RGS7: variants seen among roughly 807,000 people sequenced by gnomAD.
RGS7 encodes the protein regulator of G-protein signaling 7.
Under a neutral mutation model 81.1 loss-of-function variants are expected in RGS7, and 27 were observed. The ratio of observed to expected loss-of-function variants is 0.33; its 90% CI spans 0.25 to 0.46. The LOEUF (loss-of-function observed/expected upper bound fraction) is 0.46, where lower values mean the gene tolerates loss of function less well. RGS7 is among the 20% of genes least tolerant of loss of function. RGS7 has a pLI of 1.00. For synonymous variants in RGS7, 208 were observed against 207.7 expected, an observed-to-expected ratio of 1.00 and a Z score of -0.01; for missense variants, 396 against 607.4, an observed-to-expected ratio of 0.65 and a Z score of 3.66.
At chr1:240,780,218 G>A (rs560573442) in intron 18 of RGS7, among the ~76,000 whole-genome samples, 8 of 151,880 alleles carry the variant, frequency 5.3e-5, no homozygotes, top group African/African-American at 1.7e-4. Flanking sequence ...AGGCCGAGGC[G>A]GGTGGATCAC....
chr1:241,175,922 G>A (rs2071106343), intron 2 of RGS7, among the ~76,000 whole-genome samples: 1 of 152,142 alleles, frequency 6.6e-6, no homozygotes, highest in South Asian at 2.1e-4. Context: ...AACATTTAAA[G>A]AGCAGTGATT....
intron 4 of RGS7, among the ~76,000 whole-genome samples, chr1:240,970,007 T>C (rs868369795): frequency 3.3e-5 from 5 of 152,260 alleles, no homozygotes; most frequent in African/African-American, 9.6e-5. Context: ...CAGAATAATA[T>C]ATATCAAGTT....
intron 3 of RGS7, among the ~76,000 whole-genome samples, chr1:241,038,743 C>T (rs2148758115): frequency 6.6e-6 from 1 of 152,266 alleles, no homozygotes; most frequent in East Asian, 1.9e-4. Context: ...GTGATCCTAG[C>T]ACTTTGGGAA....
At chr1:241,096,949 C>T (rs1378050522) in intron 3 of RGS7, among the ~76,000 whole-genome samples, 1 of 152,102 alleles carries the variant, frequency 6.6e-6, no homozygotes, top group Non-Finnish European at 1.5e-5. Context: ...GATAAGTTCA[C>T]CCCTTTCATT....
intron 2 of RGS7, among the ~76,000 whole-genome samples, chr1:241,105,097 A>G (rs2065017771): frequency 1.3e-5 from 2 of 151,960 alleles, no homozygotes; most frequent in Admixed American, 1.3e-4. Context: ...AGGTTAAAAC[A>G]CTCTTATCCC....
chr1:240,811,629 T>C (rs985693062), intron 14 of RGS7, among the ~76,000 whole-genome samples: 2 of 152,264 alleles, frequency 1.3e-5, no homozygotes, highest in Non-Finnish European at 2.9e-5. Context: ...CCAAACATTG[T>C]TCTCTGTACT....
At chr1:240,932,569 T>G (rs1467441733) in intron 5 of RGS7, among the ~76,000 whole-genome samples, 1 of 144,578 alleles carries the variant, frequency 6.9e-6, no homozygotes, top group Non-Finnish European at 1.5e-5. Flanking sequence ...AGTGCAGTGG[T>G]GCGGTCTCAG....
chr1:240,990,289 T>TA (rs536743110), intron 3 of RGS7, among the ~76,000 whole-genome samples: 44 of 151,154 alleles, frequency 2.9e-4, no homozygotes, highest in African/African-American at 5.3e-4. Flanking sequence ...TGTTTCATCA[T>TA]AAAAAAAAAT....
At chr1:240,940,499 C>T (rs904205588) in intron 4 of RGS7, among the ~76,000 whole-genome samples, 14 of 152,286 alleles carry the variant, frequency 9.2e-5, no homozygotes, top group Admixed American at 5.2e-4. Context: ...CATCTGTCTT[C>T]GTATAGCCAT....
intron 6 of RGS7, among the ~76,000 whole-genome samples, chr1:240,888,785 A>G (rs1667792264): frequency 6.6e-6 from 1 of 152,126 alleles, no homozygotes; most frequent in Non-Finnish European, 1.5e-5. Context: ...TGGAGGCGAC[A>G]GTCAAAGCCA....
rs887207223 is a variant in RGS7, at chr1:240,842,212, T to TG, written c.610-15041_610-15040insC. The stretch of plus-strand genomic sequence containing the variant: ...TGTTTGTCAGGAATTTTTTTTTTTT[T>TG]TTTTGAGACAGAGTCTCACTCTGTC... On this transcript the variant is annotated intron_variant, in intron 9 of 18. Transcript: ENST00000440928. Among the ~76,000 whole-genome samples the TG allele has an allele frequency of 2.3e-5, 3 of 131,430 alleles. 1 individual carries two copies. The highest frequency in any genetic ancestry group is 8.3e-5 in the African/African-American group (3 of 36,098). 86.2% of individuals were successfully genotyped at this position (131,430 alleles called of 152,430 possible).
At chr1:240,830,977 T>C (rs905723233) in intron 9 of RGS7, among the ~76,000 whole-genome samples, 3 of 152,198 alleles carry the variant, frequency 2.0e-5, no homozygotes, top group African/African-American at 7.2e-5. Flanking sequence ...ACATCTGAAA[T>C]TCCCACTTGA....
chr1:241,082,907 C>A (rs994584367), intron 3 of RGS7, among the ~76,000 whole-genome samples: 1 of 151,990 alleles, frequency 6.6e-6, no homozygotes, highest in Non-Finnish European at 1.5e-5. Flanking sequence ...TGTCATTGCC[C>A]AGCAGGATTT....
intron 6 of RGS7, among the ~76,000 whole-genome samples, chr1:240,876,587 A>C (rs1206187979): frequency 2.0e-5 from 3 of 152,274 alleles, no homozygotes; most frequent in Non-Finnish European, 4.4e-5. Flanking sequence ...AGAAGAGTGA[A>C]AGAGAGCTGC....
intron 2 of RGS7, 47 bp from the exon 3 acceptor site, chr1:241,098,809 T>C (rs767477581): frequency 3.5e-5 from 50 of 1,430,986 alleles, no homozygotes; most frequent in Non-Finnish European, 4.7e-5. Flanking sequence ...TTGAACTTTT[T>C]TGAAAAAAAA....
At chr1:241,035,523 T>C (rs1282620787) in intron 3 of RGS7, among the ~76,000 whole-genome samples, 2 of 152,132 alleles carry the variant, frequency 1.3e-5, no homozygotes, top group African/African-American at 2.4e-5. Flanking sequence ...CTCGATGACA[T>C]CTCTCAGAGT....
chr1:241,338,931 G>T (rs2082385418), intron 2 of RGS7, among the ~76,000 whole-genome samples: 1 of 151,882 alleles, frequency 6.6e-6, no homozygotes, highest in Non-Finnish European at 1.5e-5. Context: ...TGCAGGATGT[G>T]CAGATTTGTT....
At chr1:240,975,920 A>C (rs988187097) in intron 4 of RGS7, among the ~76,000 whole-genome samples, 1 of 130,234 alleles carries the variant, frequency 7.7e-6, no homozygotes, top group East Asian at 2.1e-4. Flanking sequence ...TGTGCATTGT[A>C]TAGTCCTTCC....
At chr1:241,343,155 G>C (rs552021862) in intron 2 of RGS7, among the ~76,000 whole-genome samples, 1 of 151,960 alleles carries the variant, frequency 6.6e-6, no homozygotes, top group Non-Finnish European at 1.5e-5. Context: ...CCAGCTACTC[G>C]GGAGGCTGAG....
Sources: allele counts gnomAD v4.1 joint callset (sites outside exome capture counted in the v4.1 genomes callset), GRCh38; gene constraint gnomAD v4.1.1; transcripts MANE v1.5; gene names NCBI Gene and HGNC (gene_info 2026-07-23, HGNC 2026-07-21).